The following ELF5 variants were observed in gnomAD, a reference collection of about 807,000 sequenced individuals.
The protein encoded by ELF5 is E74 like ETS transcription factor 5, also known as ETS-related transcription factor Elf-5.
ELF5 carries 31 observed loss-of-function variants against 38.2 expected under a neutral mutation model. That is an observed-to-expected ratio of 0.81 (90% CI 0.61 to 1.10). The LOEUF is 1.10. Among genes scored for constraint, ELF5 ranks in the 50% least tolerant of loss-of-function variants. ELF5 has a pLI of 0.00. For missense variants in ELF5, 300 were observed against 306.6 expected, an observed-to-expected ratio of 0.98 and a Z score of 0.16; for synonymous variants, 121 against 112.5, an observed-to-expected ratio of 1.08 and a Z score of -0.48.
intron 1 of ELF5, among the ~76,000 whole-genome samples, chr11:34,509,587 C>T (rs975116626): frequency 5.5e-5 from 8 of 144,602 alleles, no homozygotes; most frequent in East Asian, 4.1e-4. Flanking sequence ...GATTTTCCCA[C>T]GGATTGGCTG....
intron 4 of ELF5, among the ~76,000 whole-genome samples, chr11:34,489,780 TG>T (rs1470369686): frequency 6.6e-6 from 1 of 152,182 alleles, no homozygotes; most frequent in Non-Finnish European, 1.5e-5. Flanking sequence ...GATAGGGGAA[TG>T]GAGTCTCAGA....
At chr11:34,508,362 G>A (rs1244473659) in intron 1 of ELF5, among the ~76,000 whole-genome samples, 1 of 152,134 alleles carries the variant, frequency 6.6e-6, no homozygotes, top group African/African-American at 2.4e-5. Flanking sequence ...CATTAGCTGG[G>A]TGTGTTGGTG....
intron 2 of ELF5, among the ~76,000 whole-genome samples, chr11:34,497,636 T>G (rs1467478399): frequency 2.6e-5 from 4 of 152,074 alleles, no homozygotes; most frequent in Non-Finnish European, 5.9e-5. Context: ...GTGGAGACAG[T>G]GGGGATTGGA....
Position 34,493,521 on chromosome 11 carries a change from C to T in ELF5, c.313G>A (p.Gly105Ser), listed in dbSNP as rs778628535. The change falls in exon 3 of 7, where the codon GGC becomes AGC. Residue 105 changes from glycine (G) to serine (S), a missense_variant. Physicochemically the swap from Gly to Ser is moderately conservative, Grantham distance 56. Coordinates refer to ENST00000257832, the MANE Select transcript of ELF5 (RefSeq NM_001422.4). ...EEFVEAAGLC[G>S]EYLYFILQNI... ...TGGAGGATGAAGTACAGGTACTCGC[C>T]GCAGAGGCCAGCTGCCTCGACGAAC... 2.1e-5 allele frequency: 34 copies of T among 1,614,012 alleles called. No homozygotes were observed. Among genetic ancestry groups the T allele is most frequent in the Non-Finnish European group, 2.3e-5 (27 of 1,180,032 alleles).
At chr11:34,495,925 C>G (rs1370439167) in intron 2 of ELF5, among the ~76,000 whole-genome samples, 1 of 152,220 alleles carries the variant, frequency 6.6e-6, no homozygotes, top group African/African-American at 2.4e-5. Context: ...TACTGGCGTC[C>G]TGTGAGAGAT....
chr11:34,503,962 A>G (rs1850541400), intron 2 of ELF5, among the ~76,000 whole-genome samples: 2 of 152,172 alleles, frequency 1.3e-5, no homozygotes, highest in Non-Finnish European at 2.9e-5. Context: ...TTTGGGACAC[A>G]CCAGGTCTTC....
In ELF5 at chr11:34,493,671, T is replaced by A. The variant is rs1479967487; in HGVS notation, c.163A>T (p.Thr55Ser). Residue 55 changes from threonine to serine, a missense_variant, in exon 3 of 7, where the codon ACT becomes TCT. Thr to Ser is a moderately conservative substitution (Grantham distance 58). Transcript: ENST00000257832. ...YWTSVHPEYW[T>S]KRHVWEWLQF... is the part of the protein sequence containing the mutation. The stretch of plus-strand genomic sequence containing the variant: ...AGCCACTCCCACACATGGCGCTTAG[T>A]CCAGTATTCAGGGTGGACTGATGTC... The A allele has an allele frequency of 1.9e-6, 3 of 1,614,192 alleles. No homozygotes were observed. Among genetic ancestry groups the A allele is most frequent in the Non-Finnish European group, 8.5e-7 (1 of 1,180,038 alleles).
chr11:34,507,746 G>A (rs1850644178), intron 1 of ELF5, among the ~76,000 whole-genome samples: 1 of 152,154 alleles, frequency 6.6e-6, no homozygotes, highest in African/African-American at 2.4e-5. Context: ...TCTGATTCTT[G>A]AAATAATGTT....
chr11:34,505,465 C>T (rs1850587738), intron 2 of ELF5, among the ~76,000 whole-genome samples, 164 bp downstream of exon 2: 1 of 152,230 alleles, frequency 6.6e-6, no homozygotes, highest in African/African-American at 2.4e-5. Flanking sequence ...CTTTTATCTG[C>T]AAGAGGTTGC....
In ELF5 at chr11:34,485,639, G is replaced by A. The variant is rs114756529; in HGVS notation, c.407-3140C>T. On this transcript the variant is annotated intron_variant, in intron 4 of 6. Coordinates refer to ENST00000257832, the MANE Select transcript of ELF5 (RefSeq NM_001422.4). ...CAGCATGAGAGGGGTTTATGAGGCTGATGGGAATTTCTTCCGTGGGTCTTG... is the reference window on the plus strand; with the variant it reads ...CAGCATGAGAGGGGTTTATGAGGCTAATGGGAATTTCTTCCGTGGGTCTTG... Among the ~76,000 whole-genome samples the A allele has an allele frequency of 4.1e-3, 629 of 152,326 alleles. 5 individuals are homozygous for A. Among genetic ancestry groups the A allele is most frequent in the African/African-American group, 0.014 (594 of 41,570 alleles).
intron 1 of ELF5, among the ~76,000 whole-genome samples, chr11:34,507,951 C>T (rs1357104108): frequency 2.6e-5 from 4 of 152,038 alleles, no homozygotes; most frequent in Admixed American, 1.3e-4. Context: ...CCATATACTA[C>T]GAGCACTATT....
At position 34,498,541 on chromosome 11, in the gene ELF5, C is replaced by G. The variant is rs148501851; in HGVS notation, c.122-4829G>C. Among the ~76,000 whole-genome samples the G allele has an allele frequency of 1.1e-4, 17 of 152,340 alleles. No homozygotes were observed. In the Middle Eastern group the frequency reaches 0.01, roughly 91 times the overall value. ...ATCTTTGGTTTAAAAGCTGGGGACACAGGCGAGTCTGTGTGACTTTGTAAA... is the reference window on the plus strand; with the variant it reads ...ATCTTTGGTTTAAAAGCTGGGGACAGAGGCGAGTCTGTGTGACTTTGTAAA... On this transcript the variant is annotated intron_variant, in intron 2 of 6. Transcript: ENST00000257832.
intron 3 of ELF5, 53 bp from the exon 4 acceptor site, chr11:34,490,112 T>C: frequency 6.3e-7 from 1 of 1,595,992 alleles, no homozygotes; most frequent in Non-Finnish European, 8.6e-7. Context: ...TGGTTTCCAC[T>C]GGCCAGGCCA....
At position 34,505,609 on chromosome 11, in the gene ELF5, G is replaced by A. The variant is rs1463942706; in HGVS notation, c.121+20C>T. The A allele has an allele frequency of 2.5e-6, 4 of 1,612,830 alleles. No homozygotes were observed. In the East Asian group the frequency reaches 6.7e-5, roughly 27 times the overall value. ...GCCCATCCTGGCTGCACTCAGATGG[G>A]CTCCTTCAAATGTACGCACCTGTCT... On this transcript the variant is annotated intron_variant, in intron 2 of 6. Transcript: ENST00000257832.
chr11:34,494,684 T>C (rs1850273362), intron 2 of ELF5, among the ~76,000 whole-genome samples: 1 of 152,142 alleles, frequency 6.6e-6, no homozygotes, highest in South Asian at 2.1e-4. Context: ...GGGGTGGACA[T>C]AAGGTATGGA....
intron 4 of ELF5, 47 bp downstream of exon 4, chr11:34,489,962 A>G (rs1761610243): frequency 6.2e-7 from 1 of 1,606,226 alleles, no homozygotes; most frequent in Non-Finnish European, 8.5e-7. Flanking sequence ...CCATGTACCA[A>G]TGACAACCTT....
intron 2 of ELF5, among the ~76,000 whole-genome samples, chr11:34,497,090 T>C (rs775743539): frequency 6.6e-6 from 1 of 152,196 alleles, no homozygotes; most frequent in Non-Finnish European, 1.5e-5. Context: ...AGACTGAAGA[T>C]GATAGTGTTT....
chr11:34,487,265 G>A (rs1255112442), intron 4 of ELF5, among the ~76,000 whole-genome samples: 1 of 152,122 alleles, frequency 6.6e-6, no homozygotes, highest in African/African-American at 2.4e-5. Context: ...TTAACCCTGA[G>A]TTCAGTCTAG....
chr11:34,485,144 A>G (rs1215877404), intron 4 of ELF5, among the ~76,000 whole-genome samples: 6 of 152,002 alleles, frequency 3.9e-5, no homozygotes, highest in Non-Finnish European at 7.4e-5. Context: ...GGGTGATACT[A>G]TTATGATTTT....
Sources: allele counts gnomAD v4.1 joint callset (sites outside exome capture counted in the v4.1 genomes callset), GRCh38; gene constraint gnomAD v4.1.1; transcripts MANE v1.5; gene names NCBI Gene and HGNC (gene_info 2026-07-23, HGNC 2026-07-21).